UGT1A8: variants seen among roughly 807,000 people sequenced by gnomAD.
The protein encoded by UGT1A8 is UDP-glucuronosyltransferase 1A8.
UGT1A8 carries 39 observed loss-of-function variants against 45.3 expected under a neutral mutation model. That is an observed-to-expected ratio of 0.86 (90% CI 0.67 to 1.12). The LOEUF is 1.12. UGT1A8 is among the 50% of genes most tolerant of loss of function. The pLI is 0.00. For missense variants in UGT1A8, 719 were observed against 664.9 expected, an observed-to-expected ratio of 1.08 and a Z score of -0.90; for synonymous variants, 275 against 249.2, an observed-to-expected ratio of 1.10 and a Z score of -0.97.
chr2:233,756,734 ACCT>A (rs1246183091), intron 1 of UGT1A8, among the ~76,000 whole-genome samples: 2 of 151,778 alleles, frequency 1.3e-5, no homozygotes, highest in African/African-American at 2.4e-5. Flanking sequence ...AGTTCTCTTC[ACCT>A]CCTCCTTATT....
chr2:233,627,662 T>TTCCTTCCC (rs2073112100), intron 1 of UGT1A8, among the ~76,000 whole-genome samples: 1 of 149,950 alleles, frequency 6.7e-6, no homozygotes, highest in Admixed American at 6.7e-5. Flanking sequence ...CCTTCCTTCC[T>TTCCTTCCC]TCCTTCCTTC....
chr2:233,634,949 C>G (rs994348144), intron 1 of UGT1A8, among the ~76,000 whole-genome samples: 1 of 150,606 alleles, frequency 6.6e-6, no homozygotes, highest in South Asian at 2.1e-4. Flanking sequence ...CCGGTTTTTT[C>G]TTTCCATATT....
chr2:233,761,042 C>A, intron 1 of UGT1A8: 1 of 1,614,180 alleles, frequency 6.2e-7, no homozygotes, highest in Non-Finnish European at 8.5e-7. Context: ...AGCTCTGCAT[C>A]TGTCTGGCTG....
At chr2:233,767,974 G>A (rs1338835560) in intron 3 of UGT1A8, 38 bp downstream of exon 3, 1 of 1,613,994 alleles carries the variant, frequency 6.2e-7, no homozygotes, top group Non-Finnish European at 8.5e-7. Context: ...TCAAACCAGG[G>A]TCAAATTAAG....
intron 1 of UGT1A8, among the ~76,000 whole-genome samples, chr2:233,661,127 T>G (rs2073954652): frequency 6.7e-6 from 1 of 148,218 alleles, no homozygotes; most frequent in Non-Finnish European, 1.5e-5. Flanking sequence ...AATTACTCTT[T>G]GACAAATTAT....
intron 1 of UGT1A8, among the ~76,000 whole-genome samples, chr2:233,680,036 CTCTT>C (rs895286095): frequency 3.3e-5 from 5 of 151,506 alleles, no homozygotes; most frequent in African/African-American, 1.2e-4. Flanking sequence ...TTTTCTTTTT[CTCTT>C]TCTTTCTTTT....
rs1699786831 is a variant in UGT1A8 at position 233,769,072 on chromosome 2, T to C, written c.1295+633T>C. ...AAGTTTCCTGCACAGAAAGAAATACTCCATTATAAGAAGCATAGTATCTTT... is the reference window on the plus strand; with the variant it reads ...AAGTTTCCTGCACAGAAAGAAATACCCCATTATAAGAAGCATAGTATCTTT... On this transcript the variant is annotated intron_variant, in intron 4 of 4. Coordinates refer to ENST00000373450, the MANE Select transcript of UGT1A8 (RefSeq NM_019076.5). This position sits in a 1 kb window ranked among gnomAD's most constrained non-coding sequence, Gnocchi z 4.4. 6.6e-6 allele frequency among the ~76,000 whole-genome samples: 1 copy of C among 152,150 alleles called. No homozygotes were observed. Among genetic ancestry groups the C allele is most frequent in the Admixed American group, 6.5e-5 (1 of 15,270 alleles).
At chr2:233,756,596 T>C (rs985647767) in intron 1 of UGT1A8, among the ~76,000 whole-genome samples, 4 of 152,230 alleles carry the variant, frequency 2.6e-5, no homozygotes, top group African/African-American at 7.2e-5. Context: ...CTATTTACTG[T>C]ATCGAAACCA....
At chr2:233,671,874 CCACCTACTGTATCATAGGAGCTTA>C in intron 1 of UGT1A8, 1 of 1,524,256 alleles carries the variant, frequency 6.6e-7, no homozygotes, top group Non-Finnish European at 8.8e-7. Context: ...GGTATTTCTC[CCACCTACTGTATCATAGGAGCTTA>C]GATTCCCAGC....
intron 1 of UGT1A8, among the ~76,000 whole-genome samples, chr2:233,631,620 G>A (rs1332095080): frequency 6.6e-6 from 1 of 152,096 alleles, no homozygotes; most frequent in African/African-American, 2.4e-5. Context: ...ATGCTTGTTG[G>A]TTGTATAAAT....
At chr2:233,764,672 GA>G (rs1265405107) in intron 1 of UGT1A8, among the ~76,000 whole-genome samples, 2 of 152,116 alleles carry the variant, frequency 1.3e-5, no homozygotes, top group Non-Finnish European at 2.9e-5. Context: ...ACGCTCAGAA[GA>G]AAGAACTTGA....
chr2:233,706,865 A>T (rs2075928128), intron 1 of UGT1A8, among the ~76,000 whole-genome samples: 1 of 152,188 alleles, frequency 6.6e-6, no homozygotes, highest in South Asian at 2.1e-4. Flanking sequence ...AGATTCCTAG[A>T]CCTGGCACTT....
Position 233,712,979 on chromosome 2 carries a change from G to A in UGT1A8, c.856-54055G>A, listed in dbSNP as rs45540735. The A allele has an allele frequency of 3.7e-5, 59 of 1,613,170 alleles. 1 individual carries two copies. In the East Asian group the frequency reaches 7.8e-4, roughly 21 times the overall value. On this transcript the variant is annotated intron_variant, in intron 1 of 4. Transcript: ENST00000373450. Reference sequence around the variant, plus strand: ...GTGGGGTGGACAGTCAGCTGTCGGTGGCTTCTGCTGAGATGGCCACAGGAC... The same window carrying A: ...GTGGGGTGGACAGTCAGCTGTCGGTAGCTTCTGCTGAGATGGCCACAGGAC...
At chr2:233,697,673 T>G (rs1297148810) in intron 1 of UGT1A8, among the ~76,000 whole-genome samples, 1 of 152,122 alleles carries the variant, frequency 6.6e-6, no homozygotes. Context: ...GGTTGTTTAT[T>G]CAAAATATTT....
chr2:233,768,488 A>T, intron 4 of UGT1A8, 49 bp downstream of exon 4: 1 of 1,577,512 alleles, frequency 6.3e-7, no homozygotes, highest in East Asian at 2.3e-5. Flanking sequence ...ATTCATGATA[A>T]AATTGTTTCA....
At chr2:233,699,964 G>C (rs985933821) in intron 1 of UGT1A8, among the ~76,000 whole-genome samples, 1 of 152,126 alleles carries the variant, frequency 6.6e-6, no homozygotes, top group Non-Finnish European at 1.5e-5. Flanking sequence ...AAAAATACCC[G>C]TCCCCCAACT....
chr2:233,651,566 G>C (rs1335372908), intron 1 of UGT1A8, among the ~76,000 whole-genome samples: 3 of 152,182 alleles, frequency 2.0e-5, no homozygotes, highest in Admixed American at 6.5e-5. Flanking sequence ...AGATATCAAA[G>C]AGTGCCCTTT....
intron 1 of UGT1A8, chr2:233,719,109 A>G (rs1473237971): frequency 1.9e-6 from 3 of 1,614,122 alleles, no homozygotes; most frequent in South Asian, 2.2e-5. Flanking sequence ...GCTGGGCTAC[A>G]CTCAAGGGTT....
At chr2:233,668,358 A>C in intron 1 of UGT1A8, among the ~76,000 whole-genome samples, 1 of 152,184 alleles carries the variant, frequency 6.6e-6, no homozygotes, top group East Asian at 1.9e-4. Context: ...TTCCAGCTTC[A>C]TCCATGTCGC....
Sources: allele counts gnomAD v4.1 joint callset (sites outside exome capture counted in the v4.1 genomes callset), GRCh38; gene constraint gnomAD v4.1.1; non-coding constraint Gnocchi (gnomAD v3.1); transcripts MANE v1.5; gene names NCBI Gene and HGNC (gene_info 2026-07-23, HGNC 2026-07-21).